KCNU1: variants seen among roughly 807,000 people sequenced by gnomAD.
KCNU1 encodes the protein potassium channel subfamily U member 1.
KCNU1 carries 93 observed loss-of-function variants against 126.8 expected under a neutral mutation model. That is an observed-to-expected ratio of 0.73 (90% confidence interval 0.62 to 0.87). The LOEUF (loss-of-function observed/expected upper bound fraction) is 0.87. Among genes scored for constraint, KCNU1 ranks in the 40% least tolerant of loss-of-function variants. KCNU1 has a pLI of 0.00. For missense variants in KCNU1, 1,330 were observed against 1,367.1 expected, an observed-to-expected ratio of 0.97 and a Z score of 0.43; for synonymous variants, 523 against 494.2, an observed-to-expected ratio of 1.06 and a Z score of -0.77.
Position 36,919,033 on chromosome 8 carries a change from C to T in KCNU1, c.2596+136C>T, listed in dbSNP as rs531039741. 32 of 641,698 alleles carry T rather than the reference C, an allele frequency of 5.0e-5. No homozygotes were observed. The Middle Eastern group carries it at 7.6e-4, about 15-fold the overall frequency. 39.8% of individuals were successfully genotyped at this position (641,698 alleles called of 1,614,324 possible). ...GGGCTCAGAGCTTTAAGTGCTTGCCCGGATGTTACACTGGGCTTTGATCCA... is the reference window on the plus strand; with the variant it reads ...GGGCTCAGAGCTTTAAGTGCTTGCCTGGATGTTACACTGGGCTTTGATCCA... On this transcript the variant is annotated intron_variant, in intron 23 of 26. Transcript: ENST00000399881.
At chr8:36,854,472 C>T (rs1452484794) in intron 18 of KCNU1, among the ~76,000 whole-genome samples, 4 of 135,450 alleles carry the variant, frequency 3.0e-5, no homozygotes, top group Non-Finnish European at 4.7e-5. Context: ...TATGCTGATT[C>T]TTTTTTTTTT....
At chr8:36,836,491 A>G in intron 13 of KCNU1, 126 bp downstream of exon 13, 1 of 661,314 alleles carries the variant, frequency 1.5e-6, no homozygotes, top group South Asian at 2.0e-5. Flanking sequence ...TTGGAGTCTT[A>G]TTAAGATGGA....
chr8:36,855,355 G>A (rs1805492332), intron 18 of KCNU1, among the ~76,000 whole-genome samples: 4 of 152,104 alleles, frequency 2.6e-5, no homozygotes, highest in Admixed American at 2.6e-4. Context: ...CTGGGGATAG[G>A]CTTGTAGCAC....
intron 24 of KCNU1, among the ~76,000 whole-genome samples, chr8:36,924,896 T>C (rs16885556): frequency 0.057 from 8,703 of 152,196 alleles, 275 homozygotes; most frequent in African/African-American, 0.074. Context: ...CAGGCAGGAA[T>C]AGAGCCACAG....
intron 19 of KCNU1, among the ~76,000 whole-genome samples, chr8:36,893,296 C>T (rs1401338762): frequency 6.6e-6 from 1 of 151,446 alleles, no homozygotes; most frequent in African/African-American, 2.4e-5. Context: ...TTCTAATTCT[C>T]CAGCTTTTTC....
intron 19 of KCNU1, among the ~76,000 whole-genome samples, chr8:36,895,068 A>G (rs1241857358): frequency 3.3e-5 from 5 of 152,018 alleles, no homozygotes; most frequent in African/African-American, 1.2e-4. Flanking sequence ...TAAGAACTTA[A>G]CAATAGTAAA....
At chr8:36,836,391 A>T (rs370401497) in intron 13 of KCNU1, 26 bp downstream of exon 13, 2 of 1,432,998 alleles carry the variant, frequency 1.4e-6, no homozygotes, top group African/African-American at 2.8e-5. Flanking sequence ...AGCATATTCC[A>T]TCTCCTCCTT....
chr8:36,814,538 A>T (rs1230868711), intron 8 of KCNU1, 161 bp downstream of exon 8: 1 of 589,844 alleles, frequency 1.7e-6, no homozygotes, highest in Non-Finnish European at 3.0e-6. Flanking sequence ...ATGTTTTCCA[A>T]ACTGCATCCC....
intron 19 of KCNU1, among the ~76,000 whole-genome samples, chr8:36,895,377 C>A (rs1480102807): frequency 3.3e-5 from 5 of 151,988 alleles, no homozygotes; most frequent in Admixed American, 1.3e-4. Context: ...CTGTACCTGG[C>A]CTTTTGTGTT....
intron 10 of KCNU1, among the ~76,000 whole-genome samples, chr8:36,832,608 G>A (rs973884487): frequency 2.6e-5 from 4 of 151,760 alleles, no homozygotes; most frequent in African/African-American, 9.7e-5. Context: ...CATCATTTTT[G>A]TCTTTTATTT....
rs748793330 is a variant in KCNU1 at position 36,840,539 on chromosome 8, A to C, written c.1595A>C (p.Asp532Ala). 3.8e-5 allele frequency: 61 copies of C among 1,612,236 alleles called. No homozygotes were observed. Among genetic ancestry groups the C allele is most frequent in the Non-Finnish European group, 4.9e-5 (58 of 1,178,678 alleles). The change falls in exon 15 of 27, where the codon GAT becomes GCT. Residue 532 changes from aspartate (D) to alanine (A), a missense_variant. Around this residue, in one of 3 missense-constraint regions of KCNU1, gnomAD observed 1,054 missense variants for 1,053.9 expected, o/e 1.00. Transcript: ENST00000399881. ...KNKILTQRLS[D>A]DFAGMSFPEV... ...AAAATTCTGACCCAACGTCTCTCTGATGACTTTGCTGGAATGAGCTTTCCT... is the reference window on the plus strand; with the variant it reads ...AAAATTCTGACCCAACGTCTCTCTGCTGACTTTGCTGGAATGAGCTTTCCT...
chr8:36,897,480 A>T (rs1807244108), intron 19 of KCNU1, among the ~76,000 whole-genome samples: 1 of 152,048 alleles, frequency 6.6e-6, no homozygotes. Context: ...GCTTCAAGGA[A>T]TCCAAATATG....
At chr8:36,900,594 T>C (rs1424891400) in intron 19 of KCNU1, among the ~76,000 whole-genome samples, 7 of 152,018 alleles carry the variant, frequency 4.6e-5, no homozygotes, top group African/African-American at 1.7e-4. Flanking sequence ...CCCCATAACA[T>C]ACAGAAGTCA....
intron 2 of KCNU1, among the ~76,000 whole-genome samples, chr8:36,797,511 C>G (rs1803143860): frequency 6.6e-6 from 1 of 152,064 alleles, no homozygotes; most frequent in Admixed American, 6.6e-5. Flanking sequence ...CATTATACAT[C>G]TAGCATGATT....
chr8:36,890,412 T>C (rs1806912927), intron 19 of KCNU1, among the ~76,000 whole-genome samples: 2 of 152,030 alleles, frequency 1.3e-5, no homozygotes, highest in Admixed American at 1.3e-4. Context: ...ACATGCACTA[T>C]ACATTAGGCA....
At chr8:36,908,255 A>G (rs1807713951) in intron 20 of KCNU1, among the ~76,000 whole-genome samples, 1 of 152,170 alleles carries the variant, frequency 6.6e-6, no homozygotes, top group South Asian at 2.1e-4. Flanking sequence ...ACTGTGGGAG[A>G]AACTTAAGTA....
At chr8:36,809,978 A>G (rs1301372110) in intron 7 of KCNU1, among the ~76,000 whole-genome samples, 2 of 152,198 alleles carry the variant, frequency 1.3e-5, no homozygotes, top group African/African-American at 4.8e-5. Context: ...TAAGGTTCTA[A>G]TAATCCCACT....
At chr8:36,932,482 C>T (rs1051026767) in intron 25 of KCNU1, among the ~76,000 whole-genome samples, 1 of 152,048 alleles carries the variant, frequency 6.6e-6, no homozygotes, top group Non-Finnish European at 1.5e-5. Flanking sequence ...TTGGCTATAG[C>T]CCGAGAATAA....
At chr8:36,873,447 G>A (rs1051980023) in intron 19 of KCNU1, among the ~76,000 whole-genome samples, 18 of 151,834 alleles carry the variant, frequency 1.2e-4, no homozygotes, top group African/African-American at 4.1e-4. Flanking sequence ...ATAAATTATT[G>A]GCTTACACAA....
Sources: gnomAD v4.1 joint callset for allele counts (sites outside exome capture counted in the v4.1 genomes callset) on GRCh38, gnomAD v4.1.1 for gene constraint, gnomAD v4.1.1 regional missense constraint, MANE v1.5 for transcripts, NCBI Gene and HGNC (gene_info 2026-07-23, HGNC 2026-07-21) for gene names.